The following ATG4A variants were observed in gnomAD, a reference collection of about 807,000 sequenced individuals.
The protein encoded by ATG4A is cysteine protease ATG4A.
In ATG4A, 22 loss-of-function variants were observed where a neutral mutation model predicts 38.4. The ratio of observed to expected loss-of-function variants is 0.57; its 90% CI spans 0.41 to 0.82. The LOEUF is 0.82. Ranked by LOEUF, ATG4A falls within the 40% of genes least tolerant of loss-of-function variation. The pLI, the probability that ATG4A is intolerant of heterozygous loss-of-function variation, is 0.00. For missense variants in ATG4A, 220 were observed against 290.0 expected (o/e 0.76, Z 1.75); for synonymous variants, 86 against 100.7 (o/e 0.85, Z 0.88).
Position 108,124,461 on chromosome X carries a change from C to CT in ATG4A, c.11-1607dup, listed in dbSNP as rs940554097. 8.5e-5 allele frequency among the ~76,000 whole-genome samples: 9 copies of CT among 105,927 alleles called. No individual in the cohort carries two copies. The South Asian group carries it at 1.3e-3, about 15-fold the overall frequency. 92.0% of individuals were successfully genotyped at this position (105,927 alleles called of 115,157 possible). A position where few individuals can be genotyped will look rare whatever the true frequency, so the allele number is the denominator to read the frequency against. The stretch of plus-strand genomic sequence containing the variant: ...TTTCTTTTTCTTTTTCTTTTTTTTT[C>CT]TTTTTTTTTGAGATGGAATCTTACT... On this transcript the variant is annotated intron_variant, in intron 1 of 12. Coordinates refer to ENST00000372232, the MANE Select transcript of ATG4A (RefSeq NM_052936.5).
chrX:108,102,837 A>T (rs2147963055), intron 1 of ATG4A, among the ~76,000 whole-genome samples: 1 of 106,512 alleles, frequency 9.4e-6, no homozygotes, highest in South Asian at 4.1e-4. Context: ...TTTTTTTTTC[A>T]AAAACTTTTA....
At chrX:108,137,591 A>G (rs1324608162) in intron 7 of ATG4A, among the ~76,000 whole-genome samples, 1 of 111,454 alleles carries the variant, frequency 9.0e-6, no homozygotes, top group Non-Finnish European at 1.9e-5. Flanking sequence ...TGGGAGCTAA[A>G]CAAGTACCCA....
intron 1 of ATG4A, among the ~76,000 whole-genome samples, chrX:108,105,839 A>G (rs1389999859): frequency 9.0e-6 from 1 of 111,323 alleles, no homozygotes; most frequent in East Asian, 2.8e-4. Flanking sequence ...CCTGAAATTG[A>G]AGGCTGGGAT....
intron 1 of ATG4A, among the ~76,000 whole-genome samples, chrX:108,111,665 C>T (rs1379625433): frequency 8.9e-6 from 1 of 111,744 alleles, no homozygotes; most frequent in Non-Finnish European, 1.9e-5. Context: ...TTCTGGCCTC[C>T]TATAACACTT....
chrX:108,112,005 T>C (rs956522972), intron 1 of ATG4A, among the ~76,000 whole-genome samples: 2 of 110,857 alleles, frequency 1.8e-5, no homozygotes, highest in African/African-American at 6.6e-5. Context: ...TTTTTTAATT[T>C]TTAATGTCTT....
chrX:108,141,019 CACATATATATACATATAT>C (rs1421254893), intron 9 of ATG4A, among the ~76,000 whole-genome samples: 3 of 78,778 alleles, frequency 3.8e-5, no homozygotes, highest in African/African-American at 1.6e-4. Context: ...CGTATATATA[CACATATATATACATATAT>C]ACATATATAT....
At chrX:108,123,859 A>C (rs2032725946) in intron 1 of ATG4A, among the ~76,000 whole-genome samples, 1 of 111,864 alleles carries the variant, frequency 8.9e-6, no homozygotes, top group South Asian at 3.8e-4. Flanking sequence ...TTGGCAATAG[A>C]GAAATGGTAT....
rs1325330781 is a variant in ATG4A at position 108,153,642 on chromosome X, A to G, written c.1127A>G (p.Glu376Gly). 1.7e-6 allele frequency: 2 copies of G among 1,202,567 alleles called. No individual in the cohort carries two copies. The highest frequency in any genetic ancestry group is 1.8e-5 in the South Asian group (1 of 56,043). The change falls in exon 13 of 13, where the codon GAA becomes GGA. Residue 376 changes from glutamate (E) to glycine (G), a missense_variant and splice_region_variant. By Grantham distance (98) the Glu-to-Gly change is moderately conservative (BLOSUM62 -2). Coordinates refer to ENST00000372232, the MANE Select transcript of ATG4A (RefSeq NM_052936.5). ...CTTTCTCATTTCCGTATTCTGATAG[A>G]ATTCATTGACTCTACTGAGCAACTG... ...AKPEVTTTGA[E>G]FIDSTEQLEE...
chrX:108,152,859 C>T, intron 11 of ATG4A, 120 bp from the exon 12 acceptor site: 1 of 490,977 alleles, frequency 2.0e-6, no homozygotes, highest in Non-Finnish European at 3.6e-6. Flanking sequence ...CATGTATTTT[C>T]TAGGCCCCTG....
chrX:108,142,076 A>G lies in ATG4A; in HGVS notation c.814+3885A>G, dbSNP rs749403167. Among the ~76,000 whole-genome samples the G allele has an allele frequency of 4.5e-5, 5 of 111,499 alleles. No homozygotes were observed. The South Asian group carries it at 1.5e-3, about 34-fold the overall frequency. On this transcript the variant is annotated intron_variant, in intron 9 of 12. Coordinates refer to ENST00000372232, the MANE Select transcript of ATG4A (RefSeq NM_052936.5). The stretch of plus-strand genomic sequence containing the variant: ...TGGAGGCCATTATCCTAAGTGTACT[A>G]TATCTCTTATAAGCACTCTCAGAAA...
intron 1 of ATG4A, among the ~76,000 whole-genome samples, chrX:108,115,349 G>A (rs190547883): frequency 4.7e-4 from 52 of 111,249 alleles, no homozygotes; most frequent in Non-Finnish European, 9.0e-4. Flanking sequence ...GAAATTTTAT[G>A]TATGTGTAAA....
Position 108,138,106 on chromosome X carries a change from T to C in ATG4A, c.736-7T>C, listed in dbSNP as rs1286114158. On this transcript the variant is annotated splice_region_variant and splice_polypyrimidine_tract_variant and intron_variant, in intron 8 of 12. Coordinates refer to ENST00000372232, the MANE Select transcript of ATG4A (RefSeq NM_052936.5). Reference sequence around the variant, plus strand: ...AGTTGAGAATCTTGCATTGTCTTTCTCTCCAGGAGTGTTTTAAGATGCCAC... The same window carrying C: ...AGTTGAGAATCTTGCATTGTCTTTCCCTCCAGGAGTGTTTTAAGATGCCAC... 8.3e-7 allele frequency: 1 copy of C among 1,208,599 alleles called. No homozygotes were observed.
chrX:108,106,951 A>G (rs181383528), intron 1 of ATG4A, among the ~76,000 whole-genome samples: 42 of 111,958 alleles, frequency 3.8e-4, no homozygotes, highest in Non-Finnish European at 7.1e-4. Context: ...GGAGATTTTC[A>G]TATTAATTAG....
intron 1 of ATG4A, among the ~76,000 whole-genome samples, chrX:108,107,924 G>A (rs904236471): frequency 6.3e-5 from 7 of 110,858 alleles, no homozygotes; most frequent in African/African-American, 2.3e-4. Flanking sequence ...ATCTCCATTC[G>A]GTCATTTCTG....
chrX:108,096,136 A>G (rs907747479), intron 1 of ATG4A, among the ~76,000 whole-genome samples: 3 of 112,670 alleles, frequency 2.7e-5, no homozygotes, highest in African/African-American at 6.5e-5. Context: ...TGGGAAGTGG[A>G]TAAAGCATCT....
At chrX:108,141,077 T>TAC (rs2033272603) in intron 9 of ATG4A, among the ~76,000 whole-genome samples, 1 of 63,713 alleles carries the variant, frequency 1.6e-5, no homozygotes, top group African/African-American at 6.0e-5. Flanking sequence ...TATACATATA[T>TAC]ATATATATAT....
At chrX:108,143,705 C>T (rs2033358280) in intron 9 of ATG4A, 1 of 243,693 alleles carries the variant, frequency 4.1e-6, no homozygotes, top group Non-Finnish European at 7.7e-6. Flanking sequence ...GAACTAAGAA[C>T]TCTAGGCCAG....
chrX:108,098,417 A>G (rs937277896), intron 1 of ATG4A, among the ~76,000 whole-genome samples: 2 of 111,993 alleles, frequency 1.8e-5, no homozygotes, highest in African/African-American at 3.2e-5. Flanking sequence ...ATTTGCAAAG[A>G]TAGTACAGAA....
chrX:108,107,345 A>T (rs774564224), intron 1 of ATG4A, among the ~76,000 whole-genome samples: 1 of 112,301 alleles, frequency 8.9e-6, no homozygotes, highest in African/African-American at 3.2e-5. Context: ...TGTGTTTTAC[A>T]GTTCTAAAGC....
Sources: allele counts gnomAD v4.1 joint callset (sites outside exome capture counted in the v4.1 genomes callset), GRCh38; gene constraint gnomAD v4.1.1; transcripts MANE v1.5; gene names NCBI Gene and HGNC (gene_info 2026-07-23, HGNC 2026-07-21).